CYRIA: variants seen among roughly 807,000 people sequenced by gnomAD.
CYRIA encodes the protein CYFIP-related Rac1 interactor A.
In CYRIA, 15 loss-of-function variants were observed where a neutral mutation model predicts 43.9. The ratio of observed to expected loss-of-function variants is 0.34; its 90% CI spans 0.23 to 0.53. The LOEUF (loss-of-function observed/expected upper bound fraction) is 0.53. CYRIA is among the 20% of genes least tolerant of loss of function. The pLI is 0.94. For synonymous variants in CYRIA, 117 were observed against 136.0 expected, an observed-to-expected ratio of 0.86 and a Z score of 0.97; for missense variants, 236 against 394.2, an observed-to-expected ratio of 0.60 and a Z score of 3.40.
At chr2:16,631,339 G>A (rs961174542) in intron 1 of CYRIA, among the ~76,000 whole-genome samples, 1 of 152,360 alleles carries the variant, frequency 6.6e-6, no homozygotes, top group Non-Finnish European at 1.5e-5. Flanking sequence ...CTTCTCTGAG[G>A]GCAGTGAATA....
rs1040198552 is a variant in CYRIA, at chr2:16,607,222, C to A, written c.-11+16642G>T. 2.0e-5 allele frequency among the ~76,000 whole-genome samples: 3 copies of A among 147,402 alleles called. 1 individual carries two copies. In the Admixed American group the frequency reaches 2.1e-4, roughly 10 times the overall value. ...AGCCCTGGCTTGGTACCCGAGCAAG[C>A]TGTGCAGACGGTCAACCTAAGGCTG... On this transcript the variant is annotated intron_variant, in intron 2 of 11. Coordinates refer to ENST00000381323, the MANE Select transcript of CYRIA (RefSeq NM_030797.4).
At position 16,625,255 on chromosome 2, in the gene CYRIA, G is replaced by C. The variant is rs529475955; in HGVS notation, c.-166-1236C>G. On this transcript the variant is annotated intron_variant, in intron 1 of 11. Transcript: ENST00000381323. The stretch of plus-strand genomic sequence containing the variant: ...TCCCAGGCCCCCAGAGGCTGGGCTG[G>C]TTCTGGCTCTCAGCAGCAGGGGCAG... Among the ~76,000 whole-genome samples the C allele has an allele frequency of 5.4e-3, 817 of 152,248 alleles. 6 individuals carry two copies. Among genetic ancestry groups the C allele is most frequent in the Admixed American group, 0.011 (167 of 15,292 alleles).
At chr2:16,660,581 C>T (rs1670227373) in intron 1 of CYRIA, among the ~76,000 whole-genome samples, 1 of 152,198 alleles carries the variant, frequency 6.6e-6, no homozygotes, top group Non-Finnish European at 1.5e-5. Context: ...ATATTGATCA[C>T]TGTATCCTAG....
intron 3 of CYRIA, among the ~76,000 whole-genome samples, chr2:16,571,296 G>T (rs910971898): frequency 6.6e-6 from 1 of 152,186 alleles, no homozygotes. Flanking sequence ...GTCACCTGAG[G>T]CAGGGTGGAA....
At chr2:16,563,634 A>G (rs11096634) in intron 5 of CYRIA, among the ~76,000 whole-genome samples, 16,211 of 152,220 alleles carry the variant, frequency 0.11, 1,097 homozygotes, top group African/African-American at 0.19. Flanking sequence ...ACTCCAGACA[A>G]GCAAGTTATT....
intron 2 of CYRIA, among the ~76,000 whole-genome samples, chr2:16,612,504 G>A (rs1668640195): frequency 6.6e-6 from 1 of 152,156 alleles, no homozygotes; most frequent in South Asian, 2.1e-4. Flanking sequence ...AAGATAATTT[G>A]AGTCAACAAG....
intron 3 of CYRIA, among the ~76,000 whole-genome samples, chr2:16,586,150 C>A (rs116807261): frequency 2.0e-5 from 3 of 152,042 alleles, no homozygotes; most frequent in Non-Finnish European, 2.9e-5. Context: ...CAAACAAGCA[C>A]GTTAGTCTCC....
chr2:16,555,215 T>A (rs1335729048), intron 10 of CYRIA, 76 bp from the exon 11 acceptor site: 2 of 1,299,526 alleles, frequency 1.5e-6, no homozygotes, highest in African/African-American at 2.9e-5. Context: ...TAATAACATG[T>A]GCCCATAATG....
intron 2 of CYRIA, among the ~76,000 whole-genome samples, chr2:16,601,526 C>T (rs149567319): frequency 2.1e-4 from 32 of 152,236 alleles, no homozygotes; most frequent in Admixed American, 6.5e-4. Flanking sequence ...CCTGCCTGCA[C>T]GCCCTTGCCA....
At chr2:16,617,191 G>T (rs1334283778) in intron 2 of CYRIA, among the ~76,000 whole-genome samples, 1 of 152,186 alleles carries the variant, frequency 6.6e-6, no homozygotes, top group African/African-American at 2.4e-5. Flanking sequence ...AAAGAGCTGA[G>T]GTAAGAGAAA....
At chr2:16,653,912 G>C (rs761990244) in intron 1 of CYRIA, among the ~76,000 whole-genome samples, 2 of 152,198 alleles carry the variant, frequency 1.3e-5, no homozygotes, top group Non-Finnish European at 2.9e-5. Flanking sequence ...GCAAGTCTAT[G>C]ATGAGCCATG....
At chr2:16,583,878 T>G (rs957379207) in intron 3 of CYRIA, among the ~76,000 whole-genome samples, 2 of 152,220 alleles carry the variant, frequency 1.3e-5, no homozygotes, top group Non-Finnish European at 2.9e-5. Context: ...AAAGGTCAGA[T>G]GAGAATTTAA....
rs1206705514 is a variant in CYRIA, at chr2:16,649,450, A to G, written c.-167+16330T>C. Among the ~76,000 whole-genome samples the G allele has an allele frequency of 2.0e-5, 3 of 152,078 alleles. No individual in the cohort carries two copies. The East Asian group carries it at 5.8e-4, about 29-fold the overall frequency. ...GTTATACAGTATGGGGGACAGTTGT[A>G]CAGTACAGGGCATGGTTATACAGTA... On this transcript the variant is annotated intron_variant, in intron 1 of 11. Coordinates refer to ENST00000381323, the MANE Select transcript of CYRIA (RefSeq NM_030797.4).
chr2:16,649,943 A>G (rs1669927988), intron 1 of CYRIA, among the ~76,000 whole-genome samples: 1 of 152,200 alleles, frequency 6.6e-6, no homozygotes, highest in Admixed American at 6.5e-5. Context: ...GAATAAAGAA[A>G]GCCACATCCC....
chr2:16,601,067 C>A (rs554026069), intron 2 of CYRIA, among the ~76,000 whole-genome samples: 2 of 152,176 alleles, frequency 1.3e-5, no homozygotes, highest in South Asian at 2.1e-4. Flanking sequence ...TGAATGAACA[C>A]GCTCATTTTT....
At chr2:16,567,106 G>A (rs1666960526) in intron 3 of CYRIA, among the ~76,000 whole-genome samples, 1 of 151,866 alleles carries the variant, frequency 6.6e-6, no homozygotes, top group South Asian at 2.1e-4. Flanking sequence ...TGTTTCTCTG[G>A]GGATAAAAAA....
intron 1 of CYRIA, among the ~76,000 whole-genome samples, chr2:16,647,414 G>A (rs1212346825): frequency 6.6e-6 from 1 of 152,136 alleles, no homozygotes; most frequent in Non-Finnish European, 1.5e-5. Context: ...CCATGTGTGA[G>A]CCACCTGATT....
At chr2:16,569,601 C>A (rs1420699287) in intron 3 of CYRIA, among the ~76,000 whole-genome samples, 1 of 152,142 alleles carries the variant, frequency 6.6e-6, no homozygotes, top group African/African-American at 2.4e-5. Flanking sequence ...ACTCAAATCA[C>A]AAGTGGTGTC....
chr2:16,649,612 T>A (rs1400493793), intron 1 of CYRIA, among the ~76,000 whole-genome samples: 2 of 151,988 alleles, frequency 1.3e-5, no homozygotes, highest in Non-Finnish European at 2.9e-5. Context: ...CAGGGCATGG[T>A]TGTACAGTAC....
Sources: gnomAD v4.1 joint callset for allele counts (sites outside exome capture counted in the v4.1 genomes callset) on GRCh38, gnomAD v4.1.1 for gene constraint, MANE v1.5 for transcripts, NCBI Gene and HGNC (gene_info 2026-07-23, HGNC 2026-07-21) for gene names.